The following ADAMTS6 variants were observed in gnomAD, a reference collection of about 807,000 sequenced individuals.
ADAMTS6 encodes the protein ADAM metallopeptidase with thrombospondin type 1 motif 6, also known as A disintegrin and metalloproteinase with thrombospondin motifs 6.
A neutral mutation model predicts 144.3 loss-of-function variants in ADAMTS6; 23 were observed. That is an observed-to-expected ratio of 0.16 (90% confidence interval 0.11 to 0.23). The LOEUF (loss-of-function observed/expected upper bound fraction) is 0.23, where lower values mean the gene tolerates loss of function less well. ADAMTS6 is among the 10% of genes least tolerant of loss of function. The pLI is 1.00. For missense variants in ADAMTS6, 999 were observed against 1,379.6 expected (o/e 0.72, Z 4.37); for synonymous variants, 444 against 457.5 (o/e 0.97, Z 0.38).
intron 20 of ADAMTS6, among the ~76,000 whole-genome samples, chr5:65,201,397 T>C (rs1457059017): frequency 6.6e-6 from 1 of 152,230 alleles, no homozygotes; most frequent in African/African-American, 2.4e-5. Context: ...TTTGGCAATA[T>C]ATTGCTTTTC....
chr5:65,328,415 G>T (rs899854523), intron 9 of ADAMTS6, among the ~76,000 whole-genome samples: 3 of 151,920 alleles, frequency 2.0e-5, no homozygotes, highest in Non-Finnish European at 4.4e-5. Flanking sequence ...AAGTAAGCTG[G>T]TTGTTTTAGC....
At chr5:65,238,489 A>G (rs1230612123) in intron 15 of ADAMTS6, among the ~76,000 whole-genome samples, 1 of 151,724 alleles carries the variant, frequency 6.6e-6, no homozygotes, top group African/African-American at 2.4e-5. Flanking sequence ...AGTCTCAGCT[A>G]CTCAGGAGGC....
At chr5:65,429,257 T>C (rs1756805098) in intron 7 of ADAMTS6, among the ~76,000 whole-genome samples, 1 of 152,222 alleles carries the variant, frequency 6.6e-6, no homozygotes, top group Non-Finnish European at 1.5e-5. Context: ...CAGGCCTTGC[T>C]GAGTTCCCCC....
At chr5:65,468,422 G>GT (rs1266085695) in intron 3 of ADAMTS6, among the ~76,000 whole-genome samples, 2 of 140,966 alleles carry the variant, frequency 1.4e-5, no homozygotes, top group Non-Finnish European at 3.0e-5. Flanking sequence ...CTGGGCAAGA[G>GT]TAAGACCCTG....
intron 24 of ADAMTS6, among the ~76,000 whole-genome samples, chr5:65,156,326 A>T (rs1168490419): frequency 6.6e-6 from 1 of 152,124 alleles, no homozygotes; most frequent in Non-Finnish European, 1.5e-5. Flanking sequence ...ACGAAAACAA[A>T]ACAAAACAAA....
chr5:65,383,424 G>A (rs1365544146), intron 7 of ADAMTS6, among the ~76,000 whole-genome samples: 1 of 152,154 alleles, frequency 6.6e-6, no homozygotes, highest in African/African-American at 2.4e-5. Flanking sequence ...TCAAAAGAGA[G>A]AAATGAGAAG....
At chr5:65,401,294 T>G (rs1231300778) in intron 7 of ADAMTS6, among the ~76,000 whole-genome samples, 1 of 152,076 alleles carries the variant, frequency 6.6e-6, no homozygotes, top group Non-Finnish European at 1.5e-5. Flanking sequence ...CCCTTTTAGG[T>G]GGGACAGGAT....
At chr5:65,382,347 T>C (rs760402450) in intron 7 of ADAMTS6, among the ~76,000 whole-genome samples, 82 of 152,198 alleles carry the variant, frequency 5.4e-4, no homozygotes, top group Non-Finnish European at 8.2e-4. Context: ...GAAGTCTCAA[T>C]ATTACTCCTA....
rs1751987712 is a variant in ADAMTS6, at chr5:65,148,875, C to T, written c.*2961G>A. 6.6e-6 allele frequency: 1 copy of T among 152,364 alleles called. No homozygotes were observed. Among genetic ancestry groups the T allele is most frequent in the Non-Finnish European group, 1.5e-5 (1 of 68,010 alleles). The allele number at this position is 152,364 out of a possible 1,614,324, so 9.4% of individuals were successfully genotyped here. ...TACAAGCAGGAGAATGAATGTAGGA[C>T]AAGTGTTAGGAAACATGGCAATAAA... On this transcript the variant is annotated 3_prime_UTR_variant, in exon 25 of 25. Transcript: ENST00000381055.
intron 9 of ADAMTS6, among the ~76,000 whole-genome samples, chr5:65,323,241 T>C (rs891515032): frequency 2.0e-5 from 3 of 150,148 alleles, no homozygotes; most frequent in African/African-American, 7.3e-5. Flanking sequence ...GCATTAGGTA[T>C]ATCTCCTAAT....
At chr5:65,194,748 A>G (rs565634092) in intron 21 of ADAMTS6, among the ~76,000 whole-genome samples, 89 of 152,266 alleles carry the variant, frequency 5.8e-4, no homozygotes, top group Non-Finnish European at 1.1e-3. Flanking sequence ...TATTTTTCCC[A>G]TATTCTCTGT....
intron 9 of ADAMTS6, among the ~76,000 whole-genome samples, chr5:65,317,971 A>C (rs953912673): frequency 1.3e-5 from 2 of 149,518 alleles, no homozygotes; most frequent in Admixed American, 6.7e-5. Flanking sequence ...GCTACTCAGG[A>C]GGCTGAGGCA....
chr5:65,179,066 C>T (rs1422436593), intron 22 of ADAMTS6, among the ~76,000 whole-genome samples: 2 of 152,074 alleles, frequency 1.3e-5, no homozygotes, highest in African/African-American at 2.4e-5. Context: ...CAGTCACACC[C>T]GGAAGCTGAC....
chr5:65,322,969 G>A (rs528899214), intron 9 of ADAMTS6, among the ~76,000 whole-genome samples: 4 of 152,198 alleles, frequency 2.6e-5, no homozygotes, highest in Admixed American at 1.3e-4. Flanking sequence ...GTTTTTGTGG[G>A]GAATGCTTCT....
intron 3 of ADAMTS6, among the ~76,000 whole-genome samples, chr5:65,466,564 G>C (rs1760021037): frequency 6.6e-6 from 1 of 152,076 alleles, no homozygotes. Flanking sequence ...ACCTACAACA[G>C]TGCCCATTAT....
Position 65,413,910 on chromosome 5 carries a change from G to A in ADAMTS6, c.1073+37565C>T, listed in dbSNP as rs138137400. On this transcript the variant is annotated intron_variant, in intron 7 of 24. Coordinates refer to ENST00000381055, the MANE Select transcript of ADAMTS6 (RefSeq NM_197941.4). ...GACATATACTAACTGCTAATGATGG[G>A]GTTCAGGACACATTGCTCCAAAATA... is the stretch of plus-strand genomic sequence containing the variant. Among the ~76,000 whole-genome samples, 456 of 151,920 alleles carry A rather than the reference G, an allele frequency of 3.0e-3. 7 individuals carry two copies. Among genetic ancestry groups the A allele is most frequent in the East Asian group, 0.023 (121 of 5,176 alleles).
At chr5:65,154,763 C>T (rs1043928207) in intron 24 of ADAMTS6, among the ~76,000 whole-genome samples, 1 of 152,196 alleles carries the variant, frequency 6.6e-6, no homozygotes, top group Non-Finnish European at 1.5e-5. Flanking sequence ...AAGCATTGTT[C>T]ATTAGTTCTC....
intron 15 of ADAMTS6, among the ~76,000 whole-genome samples, chr5:65,232,712 C>T (rs1580134533): frequency 6.6e-6 from 1 of 150,776 alleles, no homozygotes; most frequent in Admixed American, 6.6e-5. Flanking sequence ...AAAAAAAAAC[C>T]TCTCATCAAA....
chr5:65,376,594 G>A (rs1751574904), intron 7 of ADAMTS6, among the ~76,000 whole-genome samples: 1 of 152,186 alleles, frequency 6.6e-6, no homozygotes, highest in Non-Finnish European at 1.5e-5. Flanking sequence ...AACTTTGGGA[G>A]GCCAAGGCAG....
Sources: gnomAD v4.1 joint callset for allele counts (sites outside exome capture counted in the v4.1 genomes callset) on GRCh38, gnomAD v4.1.1 for gene constraint, MANE v1.5 for transcripts, NCBI Gene and HGNC (gene_info 2026-07-23, HGNC 2026-07-21) for gene names.